Variants in MAP3K19 observed in about 807,000 individuals in gnomAD.
MAP3K19 encodes SPS1/STE20-related protein kinase YSK4.
In MAP3K19, 91 loss-of-function variants were observed where a neutral mutation model predicts 114.4. The ratio of observed to expected loss-of-function variants is 0.80; its 90% CI spans 0.67 to 0.95. MAP3K19 has a LOEUF of 0.95. Ranked by LOEUF, MAP3K19 falls within the 40% of genes least tolerant of loss-of-function variation. MAP3K19 has a pLI of 0.00. For synonymous variants in MAP3K19, 518 were observed against 530.5 expected, an observed-to-expected ratio of 0.98 and a Z score of 0.32; for missense variants, 1,471 against 1,573.2, an observed-to-expected ratio of 0.94 and a Z score of 1.10.
At chr2:134,969,097 C>T (rs147814967) in intron 12 of MAP3K19, among the ~76,000 whole-genome samples, 2,588 of 152,278 alleles carry the variant, frequency 0.017, 77 homozygotes, top group African/African-American at 0.059. Flanking sequence ...TCTGCAATCC[C>T]GGCACCTTGG....
intron 2 of MAP3K19, among the ~76,000 whole-genome samples, chr2:135,031,541 G>C (rs975806789): frequency 3.9e-5 from 6 of 152,208 alleles, no homozygotes; most frequent in African/African-American, 1.4e-4. Context: ...TGAGGAGTTA[G>C]GGCTGTGTCT....
At chr2:135,004,385 G>C (rs756190768) in intron 6 of MAP3K19, among the ~76,000 whole-genome samples, 1 of 152,154 alleles carries the variant, frequency 6.6e-6, no homozygotes, top group Non-Finnish European at 1.5e-5. Flanking sequence ...AGCCTGGGGA[G>C]GGAAGATTCC....
chr2:135,031,783 G>A (rs964455529), intron 2 of MAP3K19, among the ~76,000 whole-genome samples: 4 of 152,160 alleles, frequency 2.6e-5, no homozygotes, highest in Non-Finnish European at 5.9e-5. Context: ...ACACTTAGGA[G>A]GTGGAATTAA....
rs1446905985 is a variant in MAP3K19, at chr2:135,021,747, T to G, written c.106A>C (p.Asn36His). ...CTGCTGATGCTTTGCAAGATGATGT[T>G]TTGATTTTTGGTAACTGTCATCAAA... is the stretch of plus-strand genomic sequence containing the variant. ...TDLMTVTKNQ[N>H]IILQSISRSE... is the part of the protein sequence containing the mutation. The change falls in exon 5 of 13, where the codon AAC (asparagine) becomes CAC (histidine). Residue 36 changes from asparagine to histidine, a missense_variant. Coordinates refer to ENST00000392915, the MANE Select transcript of MAP3K19 (RefSeq NM_025052.5). 3 of 1,612,352 alleles carry G rather than the reference T, an allele frequency of 1.9e-6. No individual in the cohort carries two copies. Among genetic ancestry groups the G allele is most frequent in the African/African-American group, 2.7e-5 (2 of 74,904 alleles).
chr2:134,987,121 G>A lies in MAP3K19; in HGVS notation c.1751C>T (p.Pro584Leu). The change falls in exon 10 of 13, where the codon CCT becomes CTT. Residue 584 changes from proline (P) to leucine (L), a missense_variant. Coordinates refer to ENST00000392915, the MANE Select transcript of MAP3K19 (RefSeq NM_025052.5). ...CTTTTGAAACCTGGGCAATTGCCAA[G>A]GCCTGGGGTCCACAAGTCCCAAAGC... Reference protein sequence around the residue: ...FPALGLVDPRPWQLPRFQKKM... With the variant: ...FPALGLVDPRLWQLPRFQKKM... The A allele has an allele frequency of 6.2e-7, 1 of 1,613,936 alleles. No individual in the cohort carries two copies. Among genetic ancestry groups the A allele is most frequent in the African/African-American group, 1.3e-5 (1 of 75,028 alleles).
rs1212638444 is a variant in MAP3K19 at position 135,033,237 on chromosome 2, G to C, written c.-283-2737C>G. 3.8e-5 allele frequency among the ~76,000 whole-genome samples: 4 copies of C among 105,834 alleles called. 1 individual carries two copies. Among genetic ancestry groups the C allele is most frequent in the Non-Finnish European group, 7.0e-5 (4 of 57,014 alleles). 69.4% of individuals were successfully genotyped at this position (105,834 alleles called of 152,430 possible). ...TCCCAGACGAGGCGGCTGGCCGGGC[G>C]GGGGGCTGACCCCCCCACCTCCCTC... On this transcript the variant is annotated intron_variant, in intron 2 of 12. Transcript: ENST00000392915.
intron 2 of MAP3K19, among the ~76,000 whole-genome samples, chr2:135,030,881 T>C (rs904461775): frequency 6.6e-6 from 1 of 152,160 alleles, no homozygotes; most frequent in African/African-American, 2.4e-5. Flanking sequence ...ATAATCCTAC[T>C]GTGAATAGCC....
intron 12 of MAP3K19, among the ~76,000 whole-genome samples, chr2:134,966,744 T>A (rs1683384420): frequency 6.6e-6 from 1 of 152,150 alleles, no homozygotes; most frequent in African/African-American, 2.4e-5. Flanking sequence ...TCCACAGACA[T>A]CTCCTGTATC....
intron 8 of MAP3K19, among the ~76,000 whole-genome samples, chr2:134,995,316 C>CA (rs1216574455): frequency 0.025 from 2,302 of 93,308 alleles, 71 homozygotes; most frequent in African/African-American, 0.07. Context: ...GACTCTGTCT[C>CA]AAAAAAAAAA....
intron 12 of MAP3K19, among the ~76,000 whole-genome samples, chr2:134,966,562 G>A (rs1035500197): frequency 2.0e-5 from 3 of 152,118 alleles, no homozygotes; most frequent in East Asian, 1.9e-4. Context: ...AAGCTTCTAC[G>A]GGCACTCACT....
At chr2:134,994,405 T>C (rs1685837313) in intron 8 of MAP3K19, among the ~76,000 whole-genome samples, 2 of 152,184 alleles carry the variant, frequency 1.3e-5, no homozygotes, top group African/African-American at 4.8e-5. Flanking sequence ...AGTACTGGAT[T>C]CCCTGCCCTG....
chr2:134,986,914 A>C lies in MAP3K19; in HGVS notation c.1958T>G (p.Ile653Ser), dbSNP rs754376798. ...TCCAGGTCCATTAGCAGTTGAATTG[A>C]TTTCTTTGAACATATCACTATACTT... ...DLKYSDMFKE[I>S]NSTANGPGIY... is the part of the protein sequence containing the mutation. Residue 653 changes from isoleucine to serine, a missense_variant, in exon 10 of 13, where the codon ATC (isoleucine) becomes AGC (serine). Ile to Ser is a moderately radical substitution (Grantham distance 142). Transcript: ENST00000392915. 28 of 1,613,936 alleles carry C rather than the reference A, an allele frequency of 1.7e-5. No homozygotes were observed. Among genetic ancestry groups the C allele is most frequent in the Non-Finnish European group, 2.2e-5 (26 of 1,180,026 alleles).
chr2:134,977,740 T>C lies in MAP3K19; in HGVS notation c.3920+3081A>G, dbSNP rs566619804. On this transcript the variant is annotated intron_variant, in intron 12 of 12. Transcript: ENST00000392915. ...TCAAACTCCTGCGCTCAATCAGTTA[T>C]TCTGCCTCAGCCTCCCAAAGTGCTG... Among the ~76,000 whole-genome samples, 26 of 152,168 alleles carry C rather than the reference T, an allele frequency of 1.7e-4. No individual in the cohort carries two copies. In the East Asian group the frequency reaches 4.6e-3, roughly 27 times the overall value.
At position 134,988,078 on chromosome 2, in the gene MAP3K19, G is replaced by A. The variant is rs113683052; in HGVS notation, c.794C>T (p.Pro265Leu). 1.4e-3 allele frequency: 2,185 copies of A among 1,613,866 alleles called. 14 individuals are homozygous for A. In the African/African-American group the frequency reaches 0.024, roughly 18 times the overall value. Residue 265 changes from proline (P) to leucine (L), a missense_variant, in exon 10 of 13, where the codon CCG becomes CTG. Coordinates refer to ENST00000392915, the MANE Select transcript of MAP3K19 (RefSeq NM_025052.5). The part of the protein sequence containing the change: ...SDELSPSNEP[P>L]GALVKSLMDP... ...CATCAACGACTTAACTAGGGCTCCC[G>A]GAGGCTCGTTTGATGGGCTGAGCTC...
At chr2:134,985,667 A>T in intron 10 of MAP3K19, 133 bp downstream of exon 10, 1 of 452,228 alleles carries the variant, frequency 2.2e-6, no homozygotes, top group Non-Finnish European at 3.0e-6. Context: ...CTTGTGATCA[A>T]ACAGTGAGAC....
intron 9 of MAP3K19, 199 bp downstream of exon 9, chr2:134,991,338 A>AAAACC: frequency 6.9e-6 from 4 of 575,744 alleles, no homozygotes; most frequent in East Asian, 5.9e-5. Flanking sequence ...AAAACAAAAC[A>AAAACC]ACCGGTAGGC....
At chr2:134,975,334 T>C (rs1457523904) in intron 12 of MAP3K19, among the ~76,000 whole-genome samples, 1 of 152,116 alleles carries the variant, frequency 6.6e-6, no homozygotes, top group African/African-American at 2.4e-5. Context: ...GTGTTAATAG[T>C]GGCTGCAATG....
intron 12 of MAP3K19, among the ~76,000 whole-genome samples, chr2:134,969,035 G>A (rs1185509587): frequency 2.0e-5 from 3 of 152,194 alleles, no homozygotes; most frequent in Admixed American, 1.3e-4. Flanking sequence ...CCGGGATCAC[G>A]CCGCTGCACT....
intron 5 of MAP3K19, among the ~76,000 whole-genome samples, chr2:135,008,991 G>T (rs1250838519): frequency 6.6e-6 from 1 of 151,800 alleles, no homozygotes; most frequent in Admixed American, 6.6e-5. Context: ...TTGCTCTGTT[G>T]CCCAGGCTGG....
Sources: gnomAD v4.1 joint callset for allele counts (sites outside exome capture counted in the v4.1 genomes callset) on GRCh38, gnomAD v4.1.1 for gene constraint, MANE v1.5 for transcripts, NCBI Gene and HGNC (gene_info 2026-07-23, HGNC 2026-07-21) for gene names.